The following AKAP6 variants were observed in gnomAD, a reference collection of about 807,000 sequenced individuals.
AKAP6 encodes A-kinase anchoring protein 6, also known as A-kinase anchor protein 6.
In AKAP6, 58 loss-of-function variants were observed where a neutral mutation model predicts 188.5. The observed-to-expected ratio is 0.31, with a 90% CI of 0.25 to 0.38. The LOEUF is 0.38. Ranked by LOEUF, AKAP6 falls within the 10% of genes least tolerant of loss-of-function variation. The pLI, the probability that AKAP6 is intolerant of heterozygous loss-of-function variation, is 1.00. For synonymous variants in AKAP6, 989 were observed against 998.6 expected, an observed-to-expected ratio of 0.99 and a Z score of 0.18; for missense variants, 2,710 against 2,740.0, an observed-to-expected ratio of 0.99 and a Z score of 0.24.
chr14:32,575,057 A>G (rs747648478), intron 4 of AKAP6, among the ~76,000 whole-genome samples: 1 of 152,184 alleles, frequency 6.6e-6, no homozygotes, highest in Non-Finnish European at 1.5e-5. Flanking sequence ...CTACCAGATA[A>G]AGGAGTTTAG....
intron 3 of AKAP6, among the ~76,000 whole-genome samples, chr14:32,542,012 T>A (rs995872613): frequency 3.3e-5 from 5 of 152,228 alleles, no homozygotes; most frequent in African/African-American, 1.2e-4. Flanking sequence ...AATAACGTAA[T>A]AAGAGTGAAC....
At chr14:32,523,807 A>AAAAG (rs1247832062) in intron 2 of AKAP6, among the ~76,000 whole-genome samples, 2 of 151,584 alleles carry the variant, frequency 1.3e-5, no homozygotes, top group Non-Finnish European at 2.9e-5. Flanking sequence ...AAAAAAAAAA[A>AAAAG]AAAAAGACTG....
intron 2 of AKAP6, among the ~76,000 whole-genome samples, chr14:32,442,079 C>A (rs1890593985): frequency 1.3e-5 from 2 of 152,078 alleles, no homozygotes; most frequent in South Asian, 4.1e-4. Flanking sequence ...TCTTTCCTTG[C>A]CTTGAGAGTT....
rs776072608 is a variant in AKAP6 at position 32,545,868 on chromosome 14, GAAAGGC to G, written c.1218_1223del (p.Lys406_Gly407del). The G allele has an allele frequency of 5.0e-6, 8 of 1,614,188 alleles. No individual in the cohort carries two copies. The highest frequency in any genetic ancestry group is 4.2e-6 in the Non-Finnish European group (5 of 1,180,022). On this transcript the variant is annotated inframe_deletion, in exon 4 of 14. Transcript: ENST00000280979. ...AAGAGGAAACTTTTAAGAATGATCT[GAAAGGC>G]AATGGTGGAAAGAGGCAAATGGTTG...
chr14:32,802,793 G>A (rs1290962561), intron 12 of AKAP6, among the ~76,000 whole-genome samples: 2 of 152,192 alleles, frequency 1.3e-5, no homozygotes, highest in East Asian at 1.9e-4. Context: ...TAAAAATCAC[G>A]TTTCTTAAAA....
At chr14:32,661,827 A>G (rs1406307102) in intron 7 of AKAP6, among the ~76,000 whole-genome samples, 2 of 152,154 alleles carry the variant, frequency 1.3e-5, no homozygotes, top group African/African-American at 4.8e-5. Context: ...CATCTGCTAA[A>G]TGGGGATAAT....
At chr14:32,583,991 C>A (rs1193541014) in intron 5 of AKAP6, among the ~76,000 whole-genome samples, 1 of 152,326 alleles carries the variant, frequency 6.6e-6, no homozygotes, top group East Asian at 1.9e-4. Context: ...CACTGTCCTG[C>A]GCCCACTGTC....
intron 1 of AKAP6, among the ~76,000 whole-genome samples, chr14:32,341,126 C>CTT (rs1445136678): frequency 3.3e-5 from 5 of 152,202 alleles, no homozygotes; most frequent in African/African-American, 1.2e-4. Flanking sequence ...AACTAACAAG[C>CTT]TATTATCTTT....
At position 32,824,161 on chromosome 14, in the gene AKAP6, A is replaced by T. The variant is rs766221542; in HGVS notation, c.6348A>T (p.Ser2116=). The part of the protein sequence containing the change: ...KGDFYSYLSL[S]SHDSDCGEVT... ...ACTTTTATTCGTACTTATCTCTCTC[A>T]TCTCATGACAGTGATTGTGGGGAGG... is the stretch of plus-strand genomic sequence containing the variant. Residue 2116 remains serine, a synonymous_variant, in exon 13 of 14, where the codon TCA becomes TCT. Coordinates refer to ENST00000280979, the MANE Select transcript of AKAP6 (RefSeq NM_004274.5). 2 of 1,613,860 alleles carry T rather than the reference A, an allele frequency of 1.2e-6. No homozygotes were observed. Among genetic ancestry groups the T allele is most frequent in the East Asian group, 4.5e-5 (2 of 44,884 alleles).
chr14:32,713,501 A>G (rs1325813222), intron 9 of AKAP6, among the ~76,000 whole-genome samples: 2 of 152,000 alleles, frequency 1.3e-5, no homozygotes, highest in Non-Finnish European at 2.9e-5. Flanking sequence ...GTCTACACTG[A>G]AAAATCTGTT....
intron 7 of AKAP6, among the ~76,000 whole-genome samples, chr14:32,641,372 T>C (rs1887747248): frequency 6.6e-6 from 1 of 150,550 alleles, no homozygotes; most frequent in African/African-American, 2.4e-5. Flanking sequence ...GTGTGGTGGC[T>C]CACACCTGTA....
chr14:32,530,444 A>T (rs1056154933), intron 2 of AKAP6, among the ~76,000 whole-genome samples: 1 of 151,886 alleles, frequency 6.6e-6, no homozygotes, highest in African/African-American at 2.4e-5. Flanking sequence ...CTGGGTGAGG[A>T]TGTTGCTGGG....
intron 9 of AKAP6, among the ~76,000 whole-genome samples, chr14:32,727,479 A>G (rs960105863): frequency 1.3e-5 from 2 of 152,200 alleles, no homozygotes; most frequent in Admixed American, 1.3e-4. Context: ...ATGATCTTCT[A>G]TTAGGGAATT....
intron 1 of AKAP6, among the ~76,000 whole-genome samples, chr14:32,350,355 A>G (rs1463162089): frequency 6.6e-6 from 1 of 152,202 alleles, no homozygotes; most frequent in Non-Finnish European, 1.5e-5. Flanking sequence ...CATTTTAATT[A>G]TCAGAAAATT....
At chr14:32,724,956 T>G (rs2030766696) in intron 9 of AKAP6, among the ~76,000 whole-genome samples, 1 of 133,944 alleles carries the variant, frequency 7.5e-6, no homozygotes, top group Non-Finnish European at 1.5e-5. Flanking sequence ...GATGTAATCT[T>G]GGCATCTTGG....
rs143201381 is a variant in AKAP6, at chr14:32,511,256, T to C, written c.325-24298T>C. ...GCTTTCTCTGTCTTCCAGAGTCTGA[T>C]TAGTGTCACAAAGATGCCATGCAAT... is the stretch of plus-strand genomic sequence containing the variant. On this transcript the variant is annotated intron_variant, in intron 2 of 13. Coordinates refer to ENST00000280979, the MANE Select transcript of AKAP6 (RefSeq NM_004274.5). Among the ~76,000 whole-genome samples, 3 of 152,352 alleles carry C rather than the reference T, an allele frequency of 2.0e-5. No homozygotes were observed. The East Asian group carries it at 5.8e-4, about 29-fold the overall frequency.
chr14:32,581,047 A>T (rs1884945468), intron 5 of AKAP6, among the ~76,000 whole-genome samples: 3 of 152,024 alleles, frequency 2.0e-5, no homozygotes, highest in African/African-American at 7.2e-5. Flanking sequence ...GCATGATTTA[A>T]AGTCCTTTGG....
At chr14:32,482,522 G>A (rs1006893216) in intron 2 of AKAP6, among the ~76,000 whole-genome samples, 1 of 152,052 alleles carries the variant, frequency 6.6e-6, no homozygotes, top group African/African-American at 2.4e-5. Flanking sequence ...CCTCACTACT[G>A]TTCTGCTTTT....
chr14:32,599,655 C>A, intron 6 of AKAP6, 149 bp downstream of exon 6: 2 of 573,434 alleles, frequency 3.5e-6, no homozygotes, highest in Non-Finnish European at 2.9e-6. Context: ...ATAAATGTTT[C>A]ATATACTGCA....
Sources: gnomAD v4.1 joint callset for allele counts (sites outside exome capture counted in the v4.1 genomes callset) on GRCh38, gnomAD v4.1.1 for gene constraint, MANE v1.5 for transcripts, NCBI Gene and HGNC (gene_info 2026-07-23, HGNC 2026-07-21) for gene names.